The following ADAMTSL1 variants were observed in gnomAD, a reference collection of about 807,000 sequenced individuals.
ADAMTSL1 encodes the protein ADAMTS like 1, also known as ADAMTS-like protein 1.
In ADAMTSL1, 126 loss-of-function variants were observed where a neutral mutation model predicts 201.8. That is an observed-to-expected ratio of 0.62 (90% CI 0.54 to 0.72). The LOEUF is 0.72. Ranked by LOEUF, ADAMTSL1 falls within the 30% of genes least tolerant of loss-of-function variation. The pLI is 0.00. For missense variants in ADAMTSL1, 2,679 were observed against 2,277.8 expected (o/e 1.18, Z -3.59); for synonymous variants, 1,121 against 903.4 (o/e 1.24, Z -4.32).
chr9:18,681,698 G>GTGTTGTGA, intron 11 of ADAMTSL1, 114 bp from the exon 12 acceptor site: 1 of 322,690 alleles, frequency 3.1e-6, no homozygotes, highest in Non-Finnish European at 4.6e-6. Flanking sequence ...GTCCTCGTGT[G>GTGTTGTGA]GGGGGGGGGG....
At chr9:18,815,917 T>G (rs1224296696) in intron 20 of ADAMTSL1, among the ~76,000 whole-genome samples, 1 of 152,156 alleles carries the variant, frequency 6.6e-6, no homozygotes, top group East Asian at 1.9e-4. Context: ...GTGATTTTTT[T>G]GGATACATGT....
chr9:18,073,792 T>C (rs1823072391), intron 1 of ADAMTSL1, among the ~76,000 whole-genome samples: 1 of 152,164 alleles, frequency 6.6e-6, no homozygotes, highest in Admixed American at 6.5e-5. Flanking sequence ...CTTGAGGGTG[T>C]CACCCAACTT....
chr9:18,684,053 C>A lies in ADAMTSL1; in HGVS notation c.1490-663C>A, dbSNP rs80036588. ...CGTTAGAACATCCCTCTTCATTTTT[C>A]TCCTCCACAATTTTTTTCCCAGGAA... On this transcript the variant is annotated intron_variant, in intron 12 of 28. Transcript: ENST00000380548. 6.6e-5 allele frequency among the ~76,000 whole-genome samples: 10 copies of A among 152,272 alleles called. No homozygotes were observed. The East Asian group carries it at 1.9e-3, about 29-fold the overall frequency.
intron 1 of ADAMTSL1, among the ~76,000 whole-genome samples, chr9:18,074,884 C>T (rs1334552296): frequency 6.6e-6 from 1 of 152,216 alleles, no homozygotes; most frequent in Non-Finnish European, 1.5e-5. Flanking sequence ...AGCCATGGTG[C>T]CCAGCCTCAC....
chr9:18,617,002 A>T (rs1825736843), intron 4 of ADAMTSL1, among the ~76,000 whole-genome samples: 1 of 152,222 alleles, frequency 6.6e-6, no homozygotes, highest in Non-Finnish European at 1.5e-5. Flanking sequence ...GTAAATATAA[A>T]TAAGAACAGC....
At chr9:18,216,180 G>C (rs1432860862) in intron 2 of ADAMTSL1, among the ~76,000 whole-genome samples, 1 of 152,138 alleles carries the variant, frequency 6.6e-6, no homozygotes, top group African/African-American at 2.4e-5. Context: ...TACTAGGCTT[G>C]TGCTAAGTGA....
At chr9:18,616,256 C>A (rs940058415) in intron 4 of ADAMTSL1, among the ~76,000 whole-genome samples, 3 of 152,184 alleles carry the variant, frequency 2.0e-5, no homozygotes, top group African/African-American at 7.2e-5. Context: ...AACTCGTGGC[C>A]TCAAGTGATC....
At chr9:18,440,674 A>T (rs1819957192) in intron 2 of ADAMTSL1, among the ~76,000 whole-genome samples, 1 of 151,762 alleles carries the variant, frequency 6.6e-6, no homozygotes, top group Non-Finnish European at 1.5e-5. Flanking sequence ...TTTCCTAAAA[A>T]TTACCGCAAT....
At chr9:18,763,209 G>T (rs996941458) in intron 16 of ADAMTSL1, among the ~76,000 whole-genome samples, 2 of 152,144 alleles carry the variant, frequency 1.3e-5, no homozygotes, top group Non-Finnish European at 2.9e-5. Flanking sequence ...TTTAACTGGG[G>T]TGAGGTGATA....
chr9:18,897,234 G>A (rs1421124027), intron 26 of ADAMTSL1, among the ~76,000 whole-genome samples: 2 of 152,212 alleles, frequency 1.3e-5, no homozygotes, highest in African/African-American at 4.8e-5. Flanking sequence ...CTGGGACAGA[G>A]CCCCCGGGGG....
intron 3 of ADAMTSL1, among the ~76,000 whole-genome samples, chr9:18,550,466 A>G (rs1157048759): frequency 6.6e-6 from 1 of 151,976 alleles, no homozygotes; most frequent in East Asian, 1.9e-4. Flanking sequence ...GGCCGTGGCA[A>G]GAACCGCAGA....
chr9:18,513,226 AG>A (rs1452823878), intron 2 of ADAMTSL1, among the ~76,000 whole-genome samples: 2 of 152,194 alleles, frequency 1.3e-5, no homozygotes, highest in Admixed American at 1.3e-4. Context: ...TAACTACACC[AG>A]CAGTGCTGTG....
intron 3 of ADAMTSL1, among the ~76,000 whole-genome samples, chr9:18,542,920 G>C (rs559383427): frequency 4.8e-4 from 73 of 152,322 alleles, no homozygotes; most frequent in African/African-American, 1.7e-3. Flanking sequence ...CAAGTGACAA[G>C]TTCCAGGTAT....
chr9:18,235,247 G>A (rs991405334), intron 2 of ADAMTSL1, among the ~76,000 whole-genome samples: 4 of 152,228 alleles, frequency 2.6e-5, no homozygotes, highest in South Asian at 2.1e-4. Flanking sequence ...GTATTTTCTC[G>A]AATGTCTGAA....
chr9:18,346,312 T>G (rs1240175685), intron 2 of ADAMTSL1, among the ~76,000 whole-genome samples: 1 of 133,312 alleles, frequency 7.5e-6, no homozygotes, highest in African/African-American at 2.9e-5. Flanking sequence ...TCAGCGTCAC[T>G]ATTATCAGTC....
chr9:17,951,267 G>C (rs12349956), intron 1 of ADAMTSL1, among the ~76,000 whole-genome samples: 1,848 of 152,244 alleles, frequency 0.012, 39 homozygotes, highest in African/African-American at 0.042. Flanking sequence ...ATACTGTGCT[G>C]CTGTAGACAA....
At chr9:18,037,815 C>T (rs532866459) in intron 1 of ADAMTSL1, among the ~76,000 whole-genome samples, 10 of 152,164 alleles carry the variant, frequency 6.6e-5, no homozygotes, top group African/African-American at 1.2e-4. Flanking sequence ...CCAAATACAG[C>T]GTGCAGAAAT....
chr9:18,584,375 C>CA (rs879575034), intron 4 of ADAMTSL1, among the ~76,000 whole-genome samples: 3 of 151,972 alleles, frequency 2.0e-5, no homozygotes, highest in Admixed American at 6.5e-5. Flanking sequence ...AGGCCCCCCC[C>CA]AGCCACATGG....
intron 2 of ADAMTSL1, among the ~76,000 whole-genome samples, chr9:18,318,826 T>C (rs1834509357): frequency 6.6e-6 from 1 of 152,220 alleles, no homozygotes; most frequent in Non-Finnish European, 1.5e-5. Flanking sequence ...ATTTAAAGGA[T>C]ATTATATGCC....
Sources: allele counts gnomAD v4.1 joint callset (sites outside exome capture counted in the v4.1 genomes callset), GRCh38; gene constraint gnomAD v4.1.1; transcripts MANE v1.5; gene names NCBI Gene and HGNC (gene_info 2026-07-23, HGNC 2026-07-21).